DTNBP1: variants seen among roughly 807,000 people sequenced by gnomAD.
The protein encoded by DTNBP1 is dystrobrevin binding protein 1.
DTNBP1 carries 35 observed loss-of-function variants against 42.8 expected under a neutral mutation model. The ratio of observed to expected loss-of-function variants is 0.82; its 90% CI spans 0.63 to 1.09. The LOEUF (loss-of-function observed/expected upper bound fraction) is 1.09. Among genes scored for constraint, DTNBP1 ranks in the 50% least tolerant of loss-of-function variants. DTNBP1 has a pLI of 0.00. For synonymous variants in DTNBP1, 171 were observed against 162.2 expected (o/e 1.05, Z -0.41); for missense variants, 457 against 424.2 (o/e 1.08, Z -0.68).
At chr6:15,583,363 C>T (rs1055561145) in intron 7 of DTNBP1, among the ~76,000 whole-genome samples, 4 of 152,192 alleles carry the variant, frequency 2.6e-5, no homozygotes, top group Non-Finnish European at 5.9e-5. Flanking sequence ...AGTTTCTCAG[C>T]TCAGTTGGCC....
At chr6:15,609,890 A>C (rs1468183505) in intron 6 of DTNBP1, among the ~76,000 whole-genome samples, 1 of 152,224 alleles carries the variant, frequency 6.6e-6, no homozygotes, top group Non-Finnish European at 1.5e-5. Context: ...CCATATCTGC[A>C]GGCCTTTTCT....
intron 7 of DTNBP1, among the ~76,000 whole-genome samples, chr6:15,570,573 T>C (rs1290301496): frequency 6.6e-6 from 1 of 152,238 alleles, no homozygotes; most frequent in Non-Finnish European, 1.5e-5. Context: ...GAAACTTTTG[T>C]TATAAAACCC....
At chr6:15,633,501 C>T (rs1448394628) in intron 4 of DTNBP1, among the ~76,000 whole-genome samples, 1 of 152,058 alleles carries the variant, frequency 6.6e-6, no homozygotes, top group Non-Finnish European at 1.5e-5. Flanking sequence ...ACTCCAAATG[C>T]GGTAAAAATA....
At chr6:15,568,137 G>C (rs778796594) in intron 7 of DTNBP1, among the ~76,000 whole-genome samples, 21 of 152,082 alleles carry the variant, frequency 1.4e-4, no homozygotes, top group African/African-American at 1.9e-4. Context: ...CCCTAAAGTA[G>C]GTCCAAGATC....
At chr6:15,609,572 G>A (rs1426222270) in intron 6 of DTNBP1, among the ~76,000 whole-genome samples, 2 of 152,118 alleles carry the variant, frequency 1.3e-5, no homozygotes, top group East Asian at 3.9e-4. Flanking sequence ...ACCCACCTTG[G>A]CCTCCCAAAG....
At chr6:15,645,361 A>G (rs1760616034) in intron 3 of DTNBP1, among the ~76,000 whole-genome samples, 1 of 152,174 alleles carries the variant, frequency 6.6e-6, no homozygotes, top group Admixed American at 6.6e-5. Flanking sequence ...CACCAGATGT[A>G]CAAAGAACTG....
chr6:15,616,654 A>G (rs763273097), intron 5 of DTNBP1, among the ~76,000 whole-genome samples: 3 of 152,252 alleles, frequency 2.0e-5, no homozygotes, highest in Non-Finnish European at 2.9e-5. Context: ...AGCTTTTTAC[A>G]TGACTTTCTA....
At position 15,525,949 on chromosome 6, in the gene DTNBP1, C is replaced by T. The variant is rs114700394; in HGVS notation, c.668-1280G>A. ...AAGCAATCTTCACCTACACCAATTG[C>T]TTTGAAGTTGAAGAACATCAAAAGA... On this transcript the variant is annotated intron_variant, in intron 8 of 9. Coordinates refer to ENST00000344537, the MANE Select transcript of DTNBP1 (RefSeq NM_032122.5). 4.3e-3 allele frequency among the ~76,000 whole-genome samples: 661 copies of T among 152,214 alleles called. 6 individuals carry two copies. Among genetic ancestry groups the T allele is most frequent in the Non-Finnish European group, 5.2e-3 (357 of 68,008 alleles).
intron 9 of DTNBP1, chr6:15,523,646 A>G (rs1453455225): frequency 7.8e-7 from 1 of 1,287,292 alleles, no homozygotes; most frequent in Non-Finnish European, 1.0e-6. Context: ...CAGTTCTCCA[A>G]TTTTATGGAA....
At position 15,660,487 on chromosome 6, in the gene DTNBP1, A is replaced by G. The variant is rs766431908; in HGVS notation, c.56+2327T>C. 4.7e-6 allele frequency: 6 copies of G among 1,289,806 alleles called. No individual in the cohort carries two copies. The East Asian group carries it at 1.7e-4, about 36-fold the overall frequency. 79.9% of individuals were successfully genotyped at this position (1,289,806 alleles called of 1,614,324 possible). A position where few individuals can be genotyped will look rare whatever the true frequency, so the allele number is the denominator to read the frequency against. ...ACCAGGTGACAGGCTAATGGCACAC[A>G]CTGACAGTCCAGTGGTTTGTCAGCT... On this transcript the variant is annotated intron_variant, in intron 1 of 9. Coordinates refer to ENST00000344537, the MANE Select transcript of DTNBP1 (RefSeq NM_032122.5).
At chr6:15,538,188 T>C (rs915667401) in intron 7 of DTNBP1, among the ~76,000 whole-genome samples, 1 of 152,164 alleles carries the variant, frequency 6.6e-6, no homozygotes, top group African/African-American at 2.4e-5. Context: ...CTGGCCTAGC[T>C]AGGCTTGTGA....
At chr6:15,523,539 T>A in intron 9 of DTNBP1, 1 of 1,275,224 alleles carries the variant, frequency 7.8e-7, no homozygotes, top group Non-Finnish European at 1.0e-6. Flanking sequence ...GAGCAGTCCT[T>A]GTAACCTTGA....
intron 7 of DTNBP1, among the ~76,000 whole-genome samples, chr6:15,592,054 A>G (rs1488936350): frequency 6.6e-6 from 1 of 152,238 alleles, no homozygotes; most frequent in Non-Finnish European, 1.5e-5. Flanking sequence ...TAGTAGGTCA[A>G]ACAGAAATCC....
At chr6:15,566,122 G>A (rs996745013) in intron 7 of DTNBP1, among the ~76,000 whole-genome samples, 13 of 151,976 alleles carry the variant, frequency 8.6e-5, no homozygotes, top group South Asian at 8.3e-4. Flanking sequence ...AGACCATCCC[G>A]GCTAAAACGG....
At chr6:15,613,201 C>G (rs139020615) in intron 6 of DTNBP1, among the ~76,000 whole-genome samples, 1 of 151,244 alleles carries the variant, frequency 6.6e-6, no homozygotes, top group African/African-American at 2.4e-5. Flanking sequence ...CCCAGCTACT[C>G]GGGAGACAGA....
intron 5 of DTNBP1, among the ~76,000 whole-genome samples, chr6:15,618,704 C>T (rs1758862935): frequency 6.6e-6 from 1 of 152,012 alleles, no homozygotes; most frequent in Admixed American, 6.6e-5. Context: ...ACCATATGAC[C>T]AGCAGTCCCA....
At chr6:15,595,187 T>C (rs1426910800) in intron 6 of DTNBP1, 3 of 454,328 alleles carry the variant, frequency 6.6e-6, no homozygotes, top group Admixed American at 2.4e-5. Context: ...CTAAAACAGA[T>C]GACTGCTTGA....
At chr6:15,570,981 A>G (rs996290366) in intron 7 of DTNBP1, among the ~76,000 whole-genome samples, 4 of 152,218 alleles carry the variant, frequency 2.6e-5, no homozygotes, top group Non-Finnish European at 5.9e-5. Flanking sequence ...TAAAATATCT[A>G]TCTTAATGGC....
chr6:15,536,868 C>T (rs1328614072), intron 7 of DTNBP1, among the ~76,000 whole-genome samples: 1 of 152,204 alleles, frequency 6.6e-6, no homozygotes, highest in Non-Finnish European at 1.5e-5. Flanking sequence ...ATGGGAGCCA[C>T]CCCTGTAACC....
Sources: allele counts gnomAD v4.1 joint callset (sites outside exome capture counted in the v4.1 genomes callset), GRCh38; gene constraint gnomAD v4.1.1; transcripts MANE v1.5; gene names NCBI Gene and HGNC (gene_info 2026-07-23, HGNC 2026-07-21).